Variants in KIAA1328 observed in about 807,000 individuals in gnomAD.
KIAA1328 encodes KIAA1328.
In KIAA1328, 52 loss-of-function variants were observed where a neutral mutation model predicts 68.1. That is an observed-to-expected ratio of 0.76 (90% CI 0.61 to 0.96). The LOEUF (loss-of-function observed/expected upper bound fraction) is 0.96. Among genes scored for constraint, KIAA1328 ranks in the 40% least tolerant of loss-of-function variants. The pLI, the probability that KIAA1328 is intolerant of heterozygous loss-of-function variation, is 0.00. For synonymous variants in KIAA1328, 232 were observed against 239.4 expected (o/e 0.97, Z 0.28); for missense variants, 641 against 677.6 (o/e 0.95, Z 0.60).
At chr18:37,017,894 G>C (rs1247773914) in intron 6 of KIAA1328, among the ~76,000 whole-genome samples, 2 of 152,046 alleles carry the variant, frequency 1.3e-5, no homozygotes, top group Non-Finnish European at 2.9e-5. Context: ...TAGATGTATA[G>C]GTCTTGTATT....
intron 5 of KIAA1328, among the ~76,000 whole-genome samples, chr18:36,939,153 A>G (rs2166296): frequency 0.9 from 136,570 of 152,144 alleles, 63,184 homozygotes; most frequent in East Asian, 1. Context: ...ATTTTGATAA[A>G]AATGGCACTG....
chr18:36,841,770 T>C (rs1191311497), intron 3 of KIAA1328, among the ~76,000 whole-genome samples: 1 of 152,248 alleles, frequency 6.6e-6, no homozygotes, highest in Non-Finnish European at 1.5e-5. Context: ...AGATTCGGCT[T>C]GCAGCCATGG....
downstream of KIAA1328, chr18:37,230,304 C>G (rs1344637701): frequency 6.6e-6 from 1 of 152,212 alleles, no homozygotes; most frequent in East Asian, 1.9e-4. Context: ...CCCACTGCAG[C>G]CTTTAGACCT....
Position 36,862,041 on chromosome 18 carries a change from A to G in KIAA1328, c.332+17739A>G, listed in dbSNP as rs186670069. Among the ~76,000 whole-genome samples the G allele has an allele frequency of 5.3e-5, 8 of 152,318 alleles. No homozygotes were observed. The East Asian group carries it at 1.5e-3, about 29-fold the overall frequency. On this transcript the variant is annotated intron_variant, in intron 4 of 9. Coordinates refer to ENST00000280020, the MANE Select transcript of KIAA1328 (RefSeq NM_020776.3). ...ATAAGATGTTACTTTAAAAAAAGAA[A>G]CAACTTTTTGTTTTGAGATAATTGT... is the stretch of plus-strand genomic sequence containing the variant.
intron 6 of KIAA1328, among the ~76,000 whole-genome samples, chr18:36,970,649 A>G (rs941411198): frequency 6.6e-6 from 1 of 152,102 alleles, no homozygotes; most frequent in African/African-American, 2.4e-5. Context: ...AAGCATTGCT[A>G]TACACCAATA....
At chr18:37,183,427 CAA>C (rs921604597) in intron 9 of KIAA1328, among the ~76,000 whole-genome samples, 5 of 152,074 alleles carry the variant, frequency 3.3e-5, no homozygotes, top group African/African-American at 1.2e-4. Context: ...TTTGATTTTT[CAA>C]AAAGACTCTG....
intron 9 of KIAA1328, among the ~76,000 whole-genome samples, chr18:37,196,997 A>G (rs1359548158): frequency 6.6e-6 from 1 of 151,944 alleles, no homozygotes; most frequent in African/African-American, 2.4e-5. Flanking sequence ...TTTTCTATAA[A>G]TGGTTTAATC....
intron 6 of KIAA1328, among the ~76,000 whole-genome samples, chr18:37,064,424 A>T (rs1274761257): frequency 1.3e-5 from 2 of 151,964 alleles, no homozygotes; most frequent in African/African-American, 4.8e-5. Flanking sequence ...CTCCCCTTAT[A>T]CTAGGGATCT....
At chr18:37,035,559 A>G (rs979062433) in intron 6 of KIAA1328, among the ~76,000 whole-genome samples, 6 of 152,220 alleles carry the variant, frequency 3.9e-5, no homozygotes, top group African/African-American at 2.4e-5. Flanking sequence ...AATATTTTCT[A>G]TCAAAAGAAA....
chr18:37,008,318 G>C (rs2053853346), intron 6 of KIAA1328, among the ~76,000 whole-genome samples: 1 of 152,228 alleles, frequency 6.6e-6, no homozygotes, highest in African/African-American at 2.4e-5. Context: ...AACGCTTTGA[G>C]AACTGAACTG....
rs149984746 is a variant in KIAA1328 at position 37,198,151 on chromosome 18, G to T, written c.1524-23866G>T. Among the ~76,000 whole-genome samples, 707 of 152,252 alleles carry T rather than the reference G, an allele frequency of 4.6e-3. 3 individuals are homozygous for T. Among genetic ancestry groups the T allele is most frequent in the African/African-American group, 0.016 (671 of 41,548 alleles). ...GGCCAATCTGTGGAGACAGTTAGTA[G>T]TTTAGTAACTGTCTAGGGCTGAGAG... On this transcript the variant is annotated intron_variant, in intron 9 of 9. Transcript: ENST00000280020.
At chr18:37,202,793 C>T (rs531588261) in intron 9 of KIAA1328, among the ~76,000 whole-genome samples, 40 of 152,166 alleles carry the variant, frequency 2.6e-4, no homozygotes, top group Admixed American at 4.6e-4. Flanking sequence ...TATTATTTGA[C>T]AATGTGTCTT....
At chr18:36,987,303 G>T (rs1598899739) in intron 6 of KIAA1328, among the ~76,000 whole-genome samples, 1 of 139,142 alleles carries the variant, frequency 7.2e-6, no homozygotes, top group East Asian at 2.1e-4. Context: ...CATGGACACA[G>T]GAAGGGGAAT....
At chr18:36,977,930 T>C (rs1357413715) in intron 6 of KIAA1328, among the ~76,000 whole-genome samples, 1 of 151,936 alleles carries the variant, frequency 6.6e-6, no homozygotes, top group Non-Finnish European at 1.5e-5. Context: ...ATTACAGGTG[T>C]GTGCCACCCT....
chr18:37,015,077 A>C (rs58110904), intron 6 of KIAA1328, among the ~76,000 whole-genome samples: 22,777 of 151,864 alleles, frequency 0.15, 1,818 homozygotes, highest in African/African-American at 0.18. Context: ...TAATTTTAGT[A>C]TTTTTAGTAG....
chr18:37,001,220 G>T (rs1001889600), intron 6 of KIAA1328, among the ~76,000 whole-genome samples: 10 of 152,028 alleles, frequency 6.6e-5, no homozygotes, highest in Non-Finnish European at 1.0e-4. Flanking sequence ...AAATACAAAG[G>T]ATCATCAGGG....
chr18:36,964,754 T>A (rs1407674934), intron 6 of KIAA1328, among the ~76,000 whole-genome samples: 1 of 152,180 alleles, frequency 6.6e-6, no homozygotes, highest in Non-Finnish European at 1.5e-5. Flanking sequence ...TGTGTGTATA[T>A]TACCCCATTA....
At chr18:37,025,089 A>G (rs1324852057) in intron 6 of KIAA1328, among the ~76,000 whole-genome samples, 2 of 152,168 alleles carry the variant, frequency 1.3e-5, no homozygotes, top group African/African-American at 2.4e-5. Flanking sequence ...ATGAGATGGC[A>G]TCTCATTGTG....
rs148973192 is a variant in KIAA1328, at chr18:36,977,447, G to A, written c.576+18012G>A. Among the ~76,000 whole-genome samples, 79 of 152,268 alleles carry A rather than the reference G, an allele frequency of 5.2e-4. No individual in the cohort carries two copies. In the East Asian group the frequency reaches 9.9e-3, roughly 19 times the overall value. ...CCTTAAGCATTTTGCTCTGCTTTGG[G>A]TATGAAATAAATGTTTGATGGATTC... On this transcript the variant is annotated intron_variant, in intron 6 of 9. Transcript: ENST00000280020.
Sources: allele counts gnomAD v4.1 joint callset (sites outside exome capture counted in the v4.1 genomes callset), GRCh38; gene constraint gnomAD v4.1.1; transcripts MANE v1.5; gene names NCBI Gene and HGNC (gene_info 2026-07-23, HGNC 2026-07-21).